CLOCK: variants seen among roughly 807,000 people sequenced by gnomAD.
The protein encoded by CLOCK is circadian locomoter output cycles protein kaput.
A neutral mutation model predicts 118.4 loss-of-function variants in CLOCK; 43 were observed. The ratio of observed to expected loss-of-function variants is 0.36; its 90% CI spans 0.28 to 0.47. The LOEUF is 0.47. Among genes scored for constraint, CLOCK ranks in the 20% least tolerant of loss-of-function variants. The pLI, the probability that CLOCK is intolerant of heterozygous loss-of-function variation, is 1.00. For synonymous variants in CLOCK, 326 were observed against 339.2 expected, an observed-to-expected ratio of 0.96 and a Z score of 0.43; for missense variants, 846 against 999.9, an observed-to-expected ratio of 0.85 and a Z score of 2.08.
chr4:55,477,622 A>G (rs763580787), intron 6 of CLOCK, among the ~76,000 whole-genome samples: 3 of 152,152 alleles, frequency 2.0e-5, no homozygotes, highest in Non-Finnish European at 4.4e-5. Flanking sequence ...GTTTGAGGAC[A>G]TGCAAAAGAA....
rs541992543 is a variant in CLOCK, at chr4:55,526,896, G to A, written c.-289-16831C>T. 5.1e-5 allele frequency among the ~76,000 whole-genome samples: 7 copies of A among 136,586 alleles called. No homozygotes were observed. The South Asian group carries it at 1.4e-3, about 27-fold the overall frequency. The allele number at this position is 136,586 out of a possible 152,430, so 89.6% of individuals were successfully genotyped here. A position where few individuals can be genotyped will look rare whatever the true frequency, so the allele number is the denominator to read the frequency against. ...CGGGAGGCGGAGCTTGCAGTGAGCCGAGATCACACCACTGCACTCCAGCCC... is the reference window on the plus strand; with the variant it reads ...CGGGAGGCGGAGCTTGCAGTGAGCCAAGATCACACCACTGCACTCCAGCCC... On this transcript the variant is annotated intron_variant, in intron 1 of 22. Coordinates refer to ENST00000513440, the MANE Select transcript of CLOCK (RefSeq NM_004898.4).
At chr4:55,491,523 A>AT (rs57569937) in intron 2 of CLOCK, among the ~76,000 whole-genome samples, 1 of 151,812 alleles carries the variant, frequency 6.6e-6, no homozygotes, top group African/African-American at 2.4e-5. Context: ...ATAAAAAAGT[A>AT]TTTTTTTGAG....
chr4:55,544,800 T>C (rs1470562694), intron 1 of CLOCK, among the ~76,000 whole-genome samples: 2 of 152,272 alleles, frequency 1.3e-5, no homozygotes, highest in East Asian at 3.9e-4. Flanking sequence ...TTTCTCCCTC[T>C]CCTCTATTGT....
At chr4:55,495,451 C>A (rs893548268) in intron 2 of CLOCK, among the ~76,000 whole-genome samples, 2 of 152,134 alleles carry the variant, frequency 1.3e-5, no homozygotes, top group African/African-American at 2.4e-5. Context: ...GATGACCAAG[C>A]CCTGTTGGTG....
At chr4:55,532,848 AC>A (rs1560483083) in intron 1 of CLOCK, among the ~76,000 whole-genome samples, 1 of 152,090 alleles carries the variant, frequency 6.6e-6, no homozygotes, top group Non-Finnish European at 1.5e-5. Context: ...ATCTCTTTAA[AC>A]AAAGAAAAGG....
intron 18 of CLOCK, 92 bp downstream of exon 18, chr4:55,448,687 G>A: frequency 5.3e-6 from 5 of 946,814 alleles, no homozygotes; most frequent in South Asian, 4.2e-5. Flanking sequence ...ACAGGTGCTT[G>A]CCAGCAAGCC....
chr4:55,490,605 TGTA>T (rs1164873666), intron 2 of CLOCK, among the ~76,000 whole-genome samples: 1 of 152,194 alleles, frequency 6.6e-6, no homozygotes, highest in African/African-American at 2.4e-5. Context: ...TATAAAATGA[TGTA>T]GTATTTGCCT....
At chr4:55,455,324 C>G (rs1360557752) in intron 13 of CLOCK, among the ~76,000 whole-genome samples, 1 of 152,106 alleles carries the variant, frequency 6.6e-6, no homozygotes, top group South Asian at 2.1e-4. Context: ...ATTACTTAGC[C>G]TTACTGTGTT....
chr4:55,439,294 A>C (rs2109655534), intron 21 of CLOCK, among the ~76,000 whole-genome samples: 1 of 152,320 alleles, frequency 6.6e-6, no homozygotes, highest in Non-Finnish European at 1.5e-5. Flanking sequence ...GGGAAATACA[A>C]ATCAAAACCA....
chr4:55,436,778 A>G (rs1722908402), intron 22 of CLOCK, among the ~76,000 whole-genome samples: 1 of 152,070 alleles, frequency 6.6e-6, no homozygotes, highest in Non-Finnish European at 1.5e-5. Flanking sequence ...TTTTAAAACT[A>G]GGTATTACAT....
chr4:55,504,002 A>AAAAAAAC (rs1728608664), intron 2 of CLOCK, among the ~76,000 whole-genome samples: 1 of 148,508 alleles, frequency 6.7e-6, no homozygotes, highest in African/African-American at 2.5e-5. Flanking sequence ...AAAAAAAAAA[A>AAAAAAAC]AGCCGGGCAC....
intron 15 of CLOCK, among the ~76,000 whole-genome samples, chr4:55,451,980 C>T (rs1724498738): frequency 6.6e-6 from 1 of 152,100 alleles, no homozygotes; most frequent in Non-Finnish European, 1.5e-5. Context: ...GGAATGCTGC[C>T]TATTTAACTC....
At chr4:55,545,052 C>CTTTTTTTTT (rs34291520) in intron 1 of CLOCK, among the ~76,000 whole-genome samples, 10 of 144,632 alleles carry the variant, frequency 6.9e-5, no homozygotes, top group Admixed American at 2.1e-4. Context: ...TTCAGGCTAA[C>CTTTTTTTTT]TTTTTTTTTT....
chr4:55,526,525 T>G (rs751649691), intron 1 of CLOCK, among the ~76,000 whole-genome samples: 4 of 152,116 alleles, frequency 2.6e-5, no homozygotes, highest in Non-Finnish European at 4.4e-5. Context: ...TTCTCAACAG[T>G]AGCAATGTCA....
intron 1 of CLOCK, among the ~76,000 whole-genome samples, chr4:55,534,191 C>T (rs1275219327): frequency 6.7e-6 from 1 of 150,112 alleles, no homozygotes; most frequent in African/African-American, 2.5e-5. Context: ...ATCAGTGCAA[C>T]AATACCAAAC....
At chr4:55,447,994 C>G (rs1577692512) in intron 18 of CLOCK, among the ~76,000 whole-genome samples, 1 of 151,502 alleles carries the variant, frequency 6.6e-6, no homozygotes. Context: ...GGAATTACTC[C>G]CCCTTTTTTT....
At chr4:55,457,254 T>C (rs1387436771) in intron 11 of CLOCK, among the ~76,000 whole-genome samples, 1 of 152,242 alleles carries the variant, frequency 6.6e-6, no homozygotes, top group Non-Finnish European at 1.5e-5. Flanking sequence ...TTCCGTATTA[T>C]TCTATACATG....
At chr4:55,525,503 A>T (rs1387858881) in intron 1 of CLOCK, among the ~76,000 whole-genome samples, 1 of 151,770 alleles carries the variant, frequency 6.6e-6, no homozygotes, top group Admixed American at 6.6e-5. Flanking sequence ...TAAATGAATA[A>T]TAAACATTTT....
intron 4 of CLOCK, among the ~76,000 whole-genome samples, chr4:55,481,354 C>A (rs888445344): frequency 3.3e-5 from 5 of 151,998 alleles, no homozygotes; most frequent in Non-Finnish European, 7.4e-5. Context: ...ATAAGGAACC[C>A]ATATTAATAA....
Sources: allele counts gnomAD v4.1 joint callset (sites outside exome capture counted in the v4.1 genomes callset), GRCh38; gene constraint gnomAD v4.1.1; transcripts MANE v1.5; gene names NCBI Gene and HGNC (gene_info 2026-07-23, HGNC 2026-07-21).